PRKCB: variants seen among roughly 807,000 people sequenced by gnomAD.
PRKCB encodes protein kinase C beta type.
PRKCB carries 13 observed loss-of-function variants against 81.5 expected under a neutral mutation model. The ratio of observed to expected loss-of-function variants is 0.16; its 90% CI spans 0.10 to 0.25. The LOEUF is 0.25. Among genes scored for constraint, PRKCB ranks in the 10% least tolerant of loss-of-function variants. PRKCB has a pLI of 1.00. For synonymous variants in PRKCB, 335 were observed against 321.4 expected (o/e 1.04, Z -0.45); for missense variants, 509 against 875.7 (o/e 0.58, Z 5.29).
rs116367435 is a variant in PRKCB, at chr16:24,009,896, A to T, written c.288+21306A>T. On this transcript the variant is annotated intron_variant, in intron 3 of 16. Coordinates refer to ENST00000643927, the MANE Select transcript of PRKCB (RefSeq NM_002738.7). The stretch of plus-strand genomic sequence containing the variant: ...CTGGCATGATGGTTTTTGTATCTGT[A>T]ATCCCAGCTACTCAGGAGGCTGAGG... Among the ~76,000 whole-genome samples, 671 of 152,118 alleles carry T rather than the reference A, an allele frequency of 4.4e-3. 3 individuals are homozygous for T. Among genetic ancestry groups the T allele is most frequent in the African/African-American group, 0.015 (642 of 41,520 alleles).
intron 3 of PRKCB, among the ~76,000 whole-genome samples, chr16:24,023,610 C>T (rs376334165): frequency 3.3e-5 from 5 of 152,078 alleles, no homozygotes; most frequent in East Asian, 1.9e-4. Context: ...CCTCGTGATC[C>T]GCCAGCCTCG....
intron 1 of PRKCB, 85 bp downstream of exon 1, chr16:23,836,433 TCCGC>T: frequency 9.8e-6 from 1 of 102,274 alleles, no homozygotes; most frequent in Non-Finnish European, 1.4e-5. Context: ...CTCTGCGCCC[TCCGC>T]GCCCTCCGCA....
chr16:23,937,306 G>C (rs1432584415), intron 2 of PRKCB, among the ~76,000 whole-genome samples: 1 of 152,182 alleles, frequency 6.6e-6, no homozygotes, highest in African/African-American at 2.4e-5. Flanking sequence ...ATTTGTTGTA[G>C]AACAATGCCG....
At chr16:24,114,033 A>G (rs546531306) in intron 8 of PRKCB, among the ~76,000 whole-genome samples, 7 of 151,808 alleles carry the variant, frequency 4.6e-5, no homozygotes, top group Middle Eastern at 6.8e-3. Context: ...CCTGGCCAAT[A>G]TGGTTAAACC....
intron 7 of PRKCB, among the ~76,000 whole-genome samples, 193 bp downstream of exon 7, chr16:24,094,490 G>A (rs1175820587): frequency 6.6e-6 from 1 of 152,206 alleles, no homozygotes; most frequent in Non-Finnish European, 1.5e-5. Context: ...AAGAGGCCAG[G>A]CCTCGTGTCT....
At chr16:23,952,392 G>A (rs139837945) in intron 2 of PRKCB, among the ~76,000 whole-genome samples, 47 of 152,342 alleles carry the variant, frequency 3.1e-4, no homozygotes, top group African/African-American at 9.4e-4. Flanking sequence ...CATATTCTGC[G>A]TATGTGTGAA....
At chr16:23,950,918 G>A (rs1964271640) in intron 2 of PRKCB, among the ~76,000 whole-genome samples, 1 of 152,216 alleles carries the variant, frequency 6.6e-6, no homozygotes, top group African/African-American at 2.4e-5. Flanking sequence ...AGGAAAGGAA[G>A]AGTGACCAGC....
intron 13 of PRKCB, among the ~76,000 whole-genome samples, chr16:24,183,822 T>C (rs1967663131): frequency 1.3e-5 from 2 of 152,244 alleles, no homozygotes; most frequent in Non-Finnish European, 1.5e-5. Context: ...TATTACCTCT[T>C]AACCTCTGAC....
intron 2 of PRKCB, among the ~76,000 whole-genome samples, chr16:23,878,109 C>T (rs1046539072): frequency 2.6e-5 from 4 of 152,202 alleles, no homozygotes; most frequent in Non-Finnish European, 5.9e-5. Flanking sequence ...GCTGTAATTA[C>T]AGGCGTGAGC....
At position 24,108,976 on chromosome 16, in the gene PRKCB, G is replaced by A. The variant is rs764974116; in HGVS notation, c.822-3997G>A. 7.2e-3 allele frequency among the ~76,000 whole-genome samples: 768 copies of A among 107,322 alleles called. 4 individuals are homozygous for A. The highest frequency in any genetic ancestry group is 0.025 in the African/African-American group (707 of 28,162). The allele number at this position is 107,322 out of a possible 152,430, so 70.4% of individuals were successfully genotyped here. A position where few individuals can be genotyped will look rare whatever the true frequency, so the allele number is the denominator to read the frequency against. On this transcript the variant is annotated intron_variant, in intron 7 of 16. Transcript: ENST00000643927. Reference sequence around the variant, plus strand: ...TCCCGGATGGGGGGGCTGGCCGGGCGGGGGACTGACCCCCCCACCTCCCTC... The same window carrying A: ...TCCCGGATGGGGGGGCTGGCCGGGCAGGGGACTGACCCCCCCACCTCCCTC...
chr16:23,988,869 G>A (rs1964836038), intron 3 of PRKCB, among the ~76,000 whole-genome samples: 1 of 152,156 alleles, frequency 6.6e-6, no homozygotes, highest in African/African-American at 2.4e-5. Flanking sequence ...GGCCTACTTG[G>A]TAGTGTGGCT....
At chr16:23,997,730 A>G (rs1432649910) in intron 3 of PRKCB, among the ~76,000 whole-genome samples, 2 of 152,232 alleles carry the variant, frequency 1.3e-5, no homozygotes, top group Non-Finnish European at 2.9e-5. Context: ...AAGAGGAATC[A>G]TTACTCAAGG....
intron 16 of PRKCB, chr16:24,202,987 T>C (rs927799459): frequency 3.9e-5 from 6 of 152,146 alleles, no homozygotes; most frequent in African/African-American, 1.4e-4. Context: ...GAGGTTAACA[T>C]GGGCAGATCA....
Position 24,220,003 on chromosome 16 carries a change from A to G in PRKCB, c.*5187A>G, listed in dbSNP as rs759718537. The G allele has an allele frequency of 1.9e-5, 31 of 1,614,076 alleles. No individual in the cohort carries two copies. In the East Asian group the frequency reaches 6.9e-4, roughly 36 times the overall value. On this transcript the variant is annotated 3_prime_UTR_variant, in exon 17 of 17. Transcript: ENST00000643927. The stretch of plus-strand genomic sequence containing the variant: ...CTCCAACTTCGACAAAGAGTTCACC[A>G]GACAGCCTGTGGAACTGACCCCCAC...
chr16:24,211,886 A>C (rs1968144108), intron 16 of PRKCB, among the ~76,000 whole-genome samples: 1 of 152,164 alleles, frequency 6.6e-6, no homozygotes, highest in South Asian at 2.1e-4. Context: ...TCAGATAAGA[A>C]GTGAGCAGGA....
At chr16:24,110,691 T>A (rs761353983) in intron 7 of PRKCB, among the ~76,000 whole-genome samples, 55 of 151,932 alleles carry the variant, frequency 3.6e-4, no homozygotes, top group African/African-American at 5.1e-4. Flanking sequence ...TAAATTTTTT[T>A]AATTTTTTTG....
At chr16:24,180,223 G>C (rs991554081) in intron 12 of PRKCB, among the ~76,000 whole-genome samples, 2 of 152,142 alleles carry the variant, frequency 1.3e-5, no homozygotes, top group African/African-American at 4.8e-5. Context: ...AATCGCAGGC[G>C]TGAGCCAATG....
intron 12 of PRKCB, among the ~76,000 whole-genome samples, chr16:24,177,234 G>A (rs1037984804): frequency 1.3e-5 from 2 of 152,318 alleles, no homozygotes; most frequent in African/African-American, 2.4e-5. Context: ...TCAGGAAGCC[G>A]CACTGGGATC....
At chr16:23,987,912 A>G (rs1964823730) in intron 2 of PRKCB, among the ~76,000 whole-genome samples, 1 of 152,190 alleles carries the variant, frequency 6.6e-6, no homozygotes, top group Non-Finnish European at 1.5e-5. Flanking sequence ...TTAAATTCAC[A>G]CCAATTCAAA....
Sources: gnomAD v4.1 joint callset for allele counts (sites outside exome capture counted in the v4.1 genomes callset) on GRCh38, gnomAD v4.1.1 for gene constraint, MANE v1.5 for transcripts, NCBI Gene and HGNC (gene_info 2026-07-23, HGNC 2026-07-21) for gene names.